Variants in TFAP2D observed in about 807,000 individuals in gnomAD.
The protein encoded by TFAP2D is transcription factor AP-2 delta.
In TFAP2D, 9 loss-of-function variants were observed where a neutral mutation model predicts 43.6. The ratio of observed to expected loss-of-function variants is 0.21; its 90% CI spans 0.12 to 0.36. TFAP2D has a LOEUF of 0.36. TFAP2D is among the 10% of genes least tolerant of loss of function. The pLI, the probability that TFAP2D is intolerant of heterozygous loss-of-function variation, is 1.00. For missense variants in TFAP2D, 513 were observed against 561.4 expected, an observed-to-expected ratio of 0.91 and a Z score of 0.87; for synonymous variants, 256 against 224.9, an observed-to-expected ratio of 1.14 and a Z score of -1.24.
chr6:50,736,316 C>A (rs112069384), intron 5 of TFAP2D, among the ~76,000 whole-genome samples: 61 of 152,290 alleles, frequency 4.0e-4, no homozygotes, highest in Middle Eastern at 3.4e-3. Flanking sequence ...TACACACATT[C>A]TGGCACTCAC....
At chr6:50,736,775 T>A (rs9473904) in intron 5 of TFAP2D, among the ~76,000 whole-genome samples, 2,285 of 152,242 alleles carry the variant, frequency 0.015, 57 homozygotes, top group African/African-American at 0.052. Flanking sequence ...CTGTGCCACA[T>A]AAAGACAAAT....
intron 7 of TFAP2D, among the ~76,000 whole-genome samples, chr6:50,754,756 T>G (rs1581774629): frequency 6.6e-6 from 1 of 152,012 alleles, no homozygotes; most frequent in African/African-American, 2.4e-5. Flanking sequence ...ATATGCTTCT[T>G]AGCCATTTCT....
chr6:50,723,139 G>A (rs78304621), intron 3 of TFAP2D, among the ~76,000 whole-genome samples: 1,980 of 152,312 alleles, frequency 0.013, 44 homozygotes, highest in African/African-American at 0.044. Flanking sequence ...CAAGGCAAAG[G>A]CATTTACGCC....
At chr6:50,742,528 A>G (rs894470121) in intron 5 of TFAP2D, among the ~76,000 whole-genome samples, 4 of 151,624 alleles carry the variant, frequency 2.6e-5, no homozygotes, top group African/African-American at 7.3e-5. Context: ...AAAGGATTGG[A>G]TGGATGGATG....
chr6:50,719,055 A>G (rs1768673038), intron 2 of TFAP2D, 35 bp from the exon 3 acceptor site: 2 of 1,606,766 alleles, frequency 1.2e-6, no homozygotes, highest in Non-Finnish European at 1.7e-6. Context: ...ATGAGTATCC[A>G]TTTAAGTAAT....
chr6:50,733,907 C>A (rs187696334), intron 5 of TFAP2D, among the ~76,000 whole-genome samples: 2 of 152,028 alleles, frequency 1.3e-5, no homozygotes, highest in Admixed American at 1.3e-4. Context: ...ATTATTTAAG[C>A]TCGTAAATAT....
intron 5 of TFAP2D, among the ~76,000 whole-genome samples, chr6:50,742,954 A>AACACACACACACACACAC (rs3060372): frequency 0.022 from 3,005 of 139,574 alleles, 90 homozygotes; most frequent in East Asian, 0.088. Flanking sequence ...ACGACTTTAA[A>AACACACACACACACACAC]ACACACACAC....
At chr6:50,769,557 CATTTATATATA>C (rs1769495145) in intron 7 of TFAP2D, among the ~76,000 whole-genome samples, 1 of 152,148 alleles carries the variant, frequency 6.6e-6, no homozygotes, top group Admixed American at 6.5e-5. Context: ...ATAATAAAAG[CATTTATATATA>C]ACTACCTACC....
chr6:50,719,618 G>A (rs940259490), intron 3 of TFAP2D, among the ~76,000 whole-genome samples: 2 of 152,202 alleles, frequency 1.3e-5, no homozygotes, highest in African/African-American at 4.8e-5. Flanking sequence ...GATGGTGTTA[G>A]CTTCAGGCTT....
At chr6:50,757,519 T>A (rs1321110235) in intron 7 of TFAP2D, among the ~76,000 whole-genome samples, 1 of 69,066 alleles carries the variant, frequency 1.4e-5, no homozygotes, top group Non-Finnish European at 2.7e-5. Flanking sequence ...ATATATAGAA[T>A]ACATATAATT....
intron 5 of TFAP2D, among the ~76,000 whole-genome samples, chr6:50,736,110 G>A (rs1161235275): frequency 6.6e-6 from 1 of 152,122 alleles, no homozygotes; most frequent in East Asian, 1.9e-4. Flanking sequence ...TTCCCAAATA[G>A]CTCCTTCACT....
chr6:50,742,493 C>T (rs766272110), intron 5 of TFAP2D, among the ~76,000 whole-genome samples: 28 of 151,916 alleles, frequency 1.8e-4, no homozygotes, highest in Middle Eastern at 6.8e-3. Flanking sequence ...TTTACCTCTC[C>T]CACTATTGTG....
intron 3 of TFAP2D, among the ~76,000 whole-genome samples, chr6:50,721,924 CT>C (rs749334550): frequency 6.6e-6 from 1 of 152,188 alleles, no homozygotes; most frequent in Admixed American, 6.5e-5. Flanking sequence ...TGACTATGTA[CT>C]TTACATGAGT....
chr6:50,738,353 G>A (rs1472609621), intron 5 of TFAP2D, among the ~76,000 whole-genome samples: 1 of 151,958 alleles, frequency 6.6e-6, no homozygotes, highest in Admixed American at 6.6e-5. Context: ...TATTTGCTTT[G>A]TTTATTGAGG....
intron 2 of TFAP2D, among the ~76,000 whole-genome samples, chr6:50,716,001 G>C (rs951177820): frequency 6.6e-6 from 1 of 152,082 alleles, no homozygotes; most frequent in Non-Finnish European, 1.5e-5. Context: ...ACCGGACTCA[G>C]AGTAAGATCC....
chr6:50,718,633 G>A (rs921661156), intron 2 of TFAP2D, among the ~76,000 whole-genome samples: 5 of 152,100 alleles, frequency 3.3e-5, no homozygotes, highest in African/African-American at 1.2e-4. Flanking sequence ...GGGTAAAACA[G>A]AACCTCCATA....
intron 7 of TFAP2D, among the ~76,000 whole-genome samples, chr6:50,770,356 G>A (rs1769508922): frequency 6.6e-6 from 1 of 152,180 alleles, no homozygotes; most frequent in African/African-American, 2.4e-5. Context: ...ACAAACTTTG[G>A]TGCAGATAAT....
chr6:50,734,908 C>T (rs1156939756), intron 5 of TFAP2D, among the ~76,000 whole-genome samples: 1 of 152,120 alleles, frequency 6.6e-6, no homozygotes, highest in East Asian at 1.9e-4. Context: ...ACAATAGGCC[C>T]CTCATAGAGC....
At chr6:50,716,425 A>G (rs1768628841) in intron 2 of TFAP2D, among the ~76,000 whole-genome samples, 1 of 151,576 alleles carries the variant, frequency 6.6e-6, no homozygotes, top group African/African-American at 2.4e-5. Context: ...GTAATGAAAG[A>G]GGGAAAAAAT....
Sources: allele counts gnomAD v4.1 joint callset (sites outside exome capture counted in the v4.1 genomes callset), GRCh38; gene constraint gnomAD v4.1.1; transcripts MANE v1.5; gene names NCBI Gene and HGNC (gene_info 2026-07-23, HGNC 2026-07-21).